Variants in AMPD2 observed in about 807,000 individuals in gnomAD.
AMPD2 encodes adenosine monophosphate deaminase 2.
In AMPD2, 52 loss-of-function variants were observed where a neutral mutation model predicts 91.3. The ratio of observed to expected loss-of-function variants is 0.57; its 90% confidence interval spans 0.46 to 0.72. The LOEUF is 0.72. Ranked by LOEUF, AMPD2 falls within the 30% of genes least tolerant of loss-of-function variation. The pLI is 0.00. For synonymous variants in AMPD2, 455 were observed against 456.4 expected (o/e 1.00, Z 0.04); for missense variants, 822 against 1,122.3 (o/e 0.73, Z 3.82).
rs1270621149 is a variant in AMPD2 at position 109,626,706 on chromosome 1, T to C, written c.532-20T>C. 31 of 1,605,352 alleles carry C rather than the reference T, an allele frequency of 1.9e-5. No individual in the cohort carries two copies. Among genetic ancestry groups the C allele is most frequent in the Non-Finnish European group, 2.6e-5 (30 of 1,174,870 alleles). ...CTGAGTCCAAGACTGAGGAGAGTGA[T>C]CGCATATCCTCATCTCCAGGTGCCG... On this transcript the variant is annotated intron_variant, in intron 6 of 18. Transcript: ENST00000528667.
At position 109,621,233 on chromosome 1, in the gene AMPD2, C is replaced by G; in HGVS notation, c.58C>G (p.Arg20Gly). 1 of 1,612,410 alleles carries G rather than the reference C, an allele frequency of 6.2e-7. No individual in the cohort carries two copies. The highest frequency in any genetic ancestry group is 8.5e-7 in the Non-Finnish European group (1 of 1,179,416). Residue 20 changes from arginine (R) to glycine (G), a missense_variant, in exon 2 of 19, where the codon CGG (arginine) becomes GGG (glycine). Transcript: ENST00000528667. The stretch of plus-strand genomic sequence containing the variant: ...CAAGGCCAAATATCCCTTTAAGAAG[C>G]GGGCCAGCCTGCAGGCCTCCACTGC... ...KPKAKYPFKK[R>G]ASLQASTAAP...
Position 109,624,371 on chromosome 1 carries a change from C to T in AMPD2, c.92-932C>T, listed in dbSNP as rs1046280998. On this transcript the variant is annotated intron_variant, in intron 2 of 18. Coordinates refer to ENST00000528667, the MANE Select transcript of AMPD2 (RefSeq NM_001368809.2). The surrounding 1 kb of genome is among the most constrained non-coding windows in gnomAD (Gnocchi z 5.2). ...GGGGCTGCTGAGCCCAGGGAGGGTCCTTCGGGGTAGGCTGGAAGCCTTGGC... is the reference window on the plus strand; with the variant it reads ...GGGGCTGCTGAGCCCAGGGAGGGTCTTTCGGGGTAGGCTGGAAGCCTTGGC... Among the ~76,000 whole-genome samples, 2 of 152,194 alleles carry T rather than the reference C, an allele frequency of 1.3e-5. No individual in the cohort carries two copies. Among genetic ancestry groups the T allele is most frequent in the African/African-American group, 4.8e-5 (2 of 41,456 alleles).
chr1:109,621,783 C>A (rs1159869269), intron 2 of AMPD2, among the ~76,000 whole-genome samples: 1 of 152,262 alleles, frequency 6.6e-6, no homozygotes, highest in East Asian at 1.9e-4. Context: ...GGGGGCTTGA[C>A]TGTATCTATC....
Position 109,621,109 on chromosome 1 carries a change from TGTG to T in AMPD2, c.-65_-63del, listed in dbSNP as rs1557925962. On this transcript the variant is annotated 5_prime_UTR_variant, in exon 2 of 19. Coordinates refer to ENST00000528667, the MANE Select transcript of AMPD2 (RefSeq NM_001368809.2). ...GGGCGGGGCGGAGGAAGGGGTTGGATGTGGCAGAGCCAGGCCCCAGCCGGTGCC... is the reference window on the plus strand; with the variant it reads ...GGGCGGGGCGGAGGAAGGGGTTGGATGCAGAGCCAGGCCCCAGCCGGTGCC... The T allele has an allele frequency of 3.1e-6, 5 of 1,603,932 alleles. No individual in the cohort carries two copies. Among genetic ancestry groups the T allele is most frequent in the Non-Finnish European group, 4.3e-6 (5 of 1,175,634 alleles).
At chr1:109,629,978 C>T (rs1473893452) in intron 16 of AMPD2, 62 bp downstream of exon 16, 26 of 1,544,214 alleles carry the variant, frequency 1.7e-5, no homozygotes, top group Non-Finnish European at 6.1e-6. Context: ...ACCATTCGGG[C>T]CCCTTCAGCA....
chr1:109,622,280 G>T, intron 2 of AMPD2: 2 of 456,278 alleles, frequency 4.4e-6, no homozygotes, highest in South Asian at 3.1e-5. Flanking sequence ...GCCCTTCCTG[G>T]CCCTGTTTGG....
chr1:109,620,839 G>A, intron 1 of AMPD2, 75 bp from the exon 2 acceptor site: 1 of 1,403,598 alleles, frequency 7.1e-7, no homozygotes, highest in Admixed American at 3.2e-5. Context: ...AGGGCTCTTG[G>A]TGGGTTAGTG....
chr1:109,625,161 G>T lies in AMPD2; in HGVS notation c.92-142G>T, dbSNP rs1481558580. 5.1e-6 allele frequency: 6 copies of T among 1,177,794 alleles called. No homozygotes were observed. The South Asian group carries it at 6.1e-5, about 12-fold the overall frequency. The allele number at this position is 1,177,794 out of a possible 1,614,324, so 73.0% of individuals were successfully genotyped here. A position where few individuals can be genotyped will look rare whatever the true frequency, so the allele number is the denominator to read the frequency against. On this transcript the variant is annotated intron_variant, in intron 2 of 18. Transcript: ENST00000528667. The surrounding 1 kb of genome is among the most constrained non-coding windows in gnomAD (Gnocchi z 4.0). ...AGCCCTTTGGGAGCCACACACACAG[G>T]CCTACTCCTCAGCTACTGAGGAGGG... is the stretch of plus-strand genomic sequence containing the variant.
intron 10 of AMPD2, 80 bp downstream of exon 10, chr1:109,627,983 C>G: frequency 2.5e-6 from 4 of 1,604,734 alleles, no homozygotes; most frequent in African/African-American, 1.3e-5. Flanking sequence ...CCAGGCCCCC[C>G]ACACAGCATC....
In AMPD2 at chr1:109,631,577, G is replaced by C; in HGVS notation, c.*425G>C. On this transcript the variant is annotated 3_prime_UTR_variant, in exon 19 of 19. Transcript: ENST00000528667. ...TTGTTCATGTAGCCGAGGGGCAGGCGGGGGACCTCTACACCTCTGCTGTGG... is the reference window on the plus strand; with the variant it reads ...TTGTTCATGTAGCCGAGGGGCAGGCCGGGGACCTCTACACCTCTGCTGTGG... 3.7e-6 allele frequency: 1 copy of C among 267,736 alleles called. No homozygotes were observed. Among genetic ancestry groups the C allele is most frequent in the Non-Finnish European group, 7.3e-6 (1 of 136,364 alleles). The allele number at this position is 267,736 out of a possible 1,614,324, so 16.6% of individuals were successfully genotyped here.
rs1178952961 is a variant in AMPD2 at position 109,628,011 on chromosome 1, TCCCATTGCACTGC to T, written c.1081-67_1081-55del. 6.3e-7 allele frequency: 1 copy of T among 1,597,112 alleles called. No homozygotes were observed. Among genetic ancestry groups the T allele is most frequent in the Non-Finnish European group, 8.5e-7 (1 of 1,170,238 alleles). ...ACAGCATCCAGTACAGAGGGTCCTTTCCCATTGCACTGCCCCAGGCCCCAGACCTTCCTGGCCT... is the reference window on the plus strand; with the variant it reads ...ACAGCATCCAGTACAGAGGGTCCTTTCCCAGGCCCCAGACCTTCCTGGCCT... On this transcript the variant is annotated intron_variant, in intron 10 of 18. Transcript: ENST00000528667. This position sits in a 1 kb window ranked among gnomAD's most constrained non-coding sequence, Gnocchi z 7.1.
rs767006889 is a variant in AMPD2 at position 109,625,316 on chromosome 1, T to G, written c.105T>G (p.Gly35=). The change falls in exon 3 of 19, where the codon GGT becomes GGG. Residue 35 remains glycine (G), a synonymous_variant. Coordinates refer to ENST00000528667, the MANE Select transcript of AMPD2 (RefSeq NM_001368809.2). This position sits in a 1 kb window ranked among gnomAD's most constrained non-coding sequence, Gnocchi z 4.0. ...ASTAAPEARG[G]LGAPPLQSAR... is the part of the protein sequence containing the mutation. The stretch of plus-strand genomic sequence containing the variant: ...CTGTCTCTGCAGAGGCTCGGGGTGG[T>G]CTGGGGGCCCCTCCGCTGCAGTCTG... 2.5e-6 allele frequency: 4 copies of G among 1,612,672 alleles called. No homozygotes were observed. The highest frequency in any genetic ancestry group is 2.2e-5 in the East Asian group (1 of 44,832).
chr1:109,621,306 T>C, intron 2 of AMPD2, 40 bp downstream of exon 2: 1 of 1,603,522 alleles, frequency 6.2e-7, no homozygotes, highest in Non-Finnish European at 8.5e-7. Flanking sequence ...GATGCTGGGC[T>C]CTGTCTTGCC....
At position 109,621,557 on chromosome 1, in the gene AMPD2, G is replaced by A. The variant is rs1650278691; in HGVS notation, c.91+291G>A. 9 of 545,658 alleles carry A rather than the reference G, an allele frequency of 1.6e-5. No individual in the cohort carries two copies. In the East Asian group the frequency reaches 2.6e-4, roughly 16 times the overall value. The allele number at this position is 545,658 out of a possible 1,614,324, so 33.8% of individuals were successfully genotyped here. On this transcript the variant is annotated intron_variant, in intron 2 of 18. Transcript: ENST00000528667. Reference sequence around the variant, plus strand: ...TATGCACACGTGTCAGCGTGTGCATGTGCTAAGACTGCGTGTGAAGCATGT... The same window carrying A: ...TATGCACACGTGTCAGCGTGTGCATATGCTAAGACTGCGTGTGAAGCATGT...
rs374796474 is a variant in AMPD2, at chr1:109,629,249, G to A, written c.1698+14G>A. 15 of 1,613,988 alleles carry A rather than the reference G, an allele frequency of 9.3e-6. No homozygotes were observed. Among genetic ancestry groups the A allele is most frequent in the South Asian group, 2.2e-5 (2 of 91,092 alleles). ...TTCTTAGAGCACGTGAGCAGGCAGC[G>A]CAGAGCTGGGTATGGGGAGGGCAGC... is the stretch of plus-strand genomic sequence containing the variant. On this transcript the variant is annotated intron_variant, in intron 14 of 18. Coordinates refer to ENST00000528667, the MANE Select transcript of AMPD2 (RefSeq NM_001368809.2).
At chr1:109,622,547 G>A (rs1650349466) in intron 2 of AMPD2, among the ~76,000 whole-genome samples, 1 of 152,196 alleles carries the variant, frequency 6.6e-6, no homozygotes, top group Admixed American at 6.5e-5. Flanking sequence ...GGGTGTATGT[G>A]TGTGGTGCTG....
In AMPD2 at chr1:109,620,136, T is replaced by A; in HGVS notation, c.-405T>A. 7.8e-7 allele frequency: 1 copy of A among 1,276,736 alleles called. No homozygotes were observed. Among genetic ancestry groups the A allele is most frequent in the Non-Finnish European group, 1.1e-6 (1 of 881,232 alleles). The allele number at this position is 1,276,736 out of a possible 1,614,324, so 79.1% of individuals were successfully genotyped here. ...GAAAGACTGCCTTACTTTCCCCATC[T>A]CAGTGCCAGGGCAGGGGCCCTTGGA... is the stretch of plus-strand genomic sequence containing the variant. On this transcript the variant is annotated 5_prime_UTR_variant, in exon 1 of 19. Transcript: ENST00000528667.
chr1:109,628,853 G>T lies in AMPD2; in HGVS notation c.1571+47G>T. ...GGGGAACCTGCGGGGTCATATTCAA[G>T]GGGTCAGGGCCTGCCTCCTGCCCTC... is the stretch of plus-strand genomic sequence containing the variant. On this transcript the variant is annotated intron_variant, in intron 13 of 18. Coordinates refer to ENST00000528667, the MANE Select transcript of AMPD2 (RefSeq NM_001368809.2). This position sits in a 1 kb window ranked among gnomAD's most constrained non-coding sequence, Gnocchi z 7.1. 6.5e-7 allele frequency: 1 copy of T among 1,533,852 alleles called. No homozygotes were observed. The highest frequency in any genetic ancestry group is 8.8e-7 in the Non-Finnish European group (1 of 1,136,440).
At position 109,629,371 on chromosome 1, in the gene AMPD2, C is replaced by T. The variant is rs1277697379; in HGVS notation, c.1743C>T (p.Asn581=). The change falls in exon 15 of 19, where the codon AAC becomes AAT. Residue 581 remains asparagine, a synonymous_variant. Coordinates refer to ENST00000528667, the MANE Select transcript of AMPD2 (RefSeq NM_001368809.2). ...DSVDDESKPE[N]HVFNLESPLP... ...TGGATGATGAGTCCAAGCCTGAAAA[C>T]CATGTCTTCAACCTGGAGAGCCCCC... 6.2e-7 allele frequency: 1 copy of T among 1,614,050 alleles called. No individual in the cohort carries two copies. The highest frequency in any genetic ancestry group is 1.3e-5 in the African/African-American group (1 of 74,918).
Sources: gnomAD v4.1 joint callset for allele counts (sites outside exome capture counted in the v4.1 genomes callset) on GRCh38, gnomAD v4.1.1 for gene constraint, Gnocchi (gnomAD v3.1) non-coding constraint, MANE v1.5 for transcripts, NCBI Gene and HGNC (gene_info 2026-07-23, HGNC 2026-07-21) for gene names.